The following AKAP13 variants were observed in gnomAD, a reference collection of about 807,000 sequenced individuals.
AKAP13 encodes the protein A-kinase anchor protein 13.
AKAP13 carries 80 observed loss-of-function variants against 264.5 expected under a neutral mutation model. The ratio of observed to expected loss-of-function variants is 0.30; its 90% CI spans 0.25 to 0.36. The LOEUF (loss-of-function observed/expected upper bound fraction) is 0.36, where lower values mean the gene tolerates loss of function less well. Among genes scored for constraint, AKAP13 ranks in the 10% least tolerant of loss-of-function variants. The pLI is 1.00. For synonymous variants in AKAP13, 1,380 were observed against 1,250.2 expected (o/e 1.10, Z -2.19); for missense variants, 3,712 against 3,435.2 (o/e 1.08, Z -2.01).
intron 1 of AKAP13, among the ~76,000 whole-genome samples, chr15:85,414,478 A>G (rs2072137886): frequency 6.6e-6 from 1 of 152,236 alleles, no homozygotes; most frequent in African/African-American, 2.4e-5. Flanking sequence ...GTTTCTATAC[A>G]TACACAAAAA....
At chr15:85,520,899 G>A (rs11639291) in intron 2 of AKAP13, among the ~76,000 whole-genome samples, 36,384 of 152,182 alleles carry the variant, frequency 0.24, 5,748 homozygotes, top group Middle Eastern at 0.41. Context: ...GCCCAAGCTC[G>A]TCTTCTTTGC....
At chr15:85,421,090 A>G (rs1273838449) in intron 1 of AKAP13, among the ~76,000 whole-genome samples, 1 of 152,232 alleles carries the variant, frequency 6.6e-6, no homozygotes, top group Non-Finnish European at 1.5e-5. Flanking sequence ...ATTTTGTTTC[A>G]TGCCTAGTTT....
At chr15:85,736,207 CT>C (rs878904305) in intron 33 of AKAP13, 73 bp downstream of exon 33, 71,171 of 956,896 alleles carry the variant, frequency 0.074, no homozygotes, top group South Asian at 0.1. Context: ...TTGTTTTTTC[CT>C]TTTTTTTTTT....
chr15:85,592,907 ATT>A (rs1456461954), intron 8 of AKAP13, among the ~76,000 whole-genome samples: 1 of 152,214 alleles, frequency 6.6e-6, no homozygotes, highest in African/African-American at 2.4e-5. Flanking sequence ...CTAGTTGTAC[ATT>A]TTTAAGTGAC....
rs1567038651 is a variant in AKAP13, at chr15:85,399,522, ATAAAAAAAT to A, written c.-12+18725_-12+18733del. Among the ~76,000 whole-genome samples, 1,099 of 121,202 alleles carry A rather than the reference ATAAAAAAAT, an allele frequency of 9.1e-3. 59 individuals carry two copies. Among genetic ancestry groups the A allele is most frequent in the Non-Finnish European group, 0.015 (863 of 56,280 alleles). The allele number at this position is 121,202 out of a possible 152,430, so 79.5% of individuals were successfully genotyped here. ...CGTCTCAAAAAAAAAAAAAAAAAAA[ATAAAAAAAT>A]AAAAAAATAAATAAATAAATAAATA... On this transcript the variant is annotated intron_variant, in intron 1 of 36. Transcript: ENST00000394518.
chr15:85,510,378 C>T (rs771257212), intron 2 of AKAP13, among the ~76,000 whole-genome samples: 27 of 152,020 alleles, frequency 1.8e-4, no homozygotes, highest in Non-Finnish European at 3.7e-4. Flanking sequence ...ATTAATATAG[C>T]ATTTGTTATA....
intron 1 of AKAP13, among the ~76,000 whole-genome samples, chr15:85,431,184 C>G (rs943787184): frequency 6.6e-6 from 1 of 152,180 alleles, no homozygotes; most frequent in African/African-American, 2.4e-5. Flanking sequence ...CATGCTCACT[C>G]TAGGGCAAGC....
intron 30 of AKAP13, among the ~76,000 whole-genome samples, chr15:85,732,085 A>C (rs2151754854): frequency 6.6e-6 from 1 of 152,050 alleles, no homozygotes; most frequent in South Asian, 2.1e-4. Context: ...TATCTCAAAA[A>C]AAAAAAAAAA....
At chr15:85,564,745 T>G (rs923504753) in intron 5 of AKAP13, among the ~76,000 whole-genome samples, 1 of 152,174 alleles carries the variant, frequency 6.6e-6, no homozygotes, top group East Asian at 1.9e-4. Flanking sequence ...TTAAACGTTG[T>G]GAGTAAAAGA....
intron 16 of AKAP13, among the ~76,000 whole-genome samples, chr15:85,692,802 A>T (rs1470860533): frequency 6.6e-6 from 1 of 152,228 alleles, no homozygotes; most frequent in African/African-American, 2.4e-5. Context: ...TGAGAAAGAG[A>T]GGAGCCTCGG....
chr15:85,732,186 T>C (rs777141923), intron 30 of AKAP13, among the ~76,000 whole-genome samples: 1 of 152,168 alleles, frequency 6.6e-6, no homozygotes, highest in Non-Finnish European at 1.5e-5. Flanking sequence ...CTTTGGCTTC[T>C]AGTCCTGTGG....
intron 1 of AKAP13, among the ~76,000 whole-genome samples, chr15:85,450,066 A>G (rs370519868): frequency 1.7e-4 from 26 of 151,828 alleles, no homozygotes; most frequent in African/African-American, 5.8e-4. Context: ...TTTGGTTGGT[A>G]TGCTTTTATT....
At chr15:85,597,547 G>T (rs1048415957) in intron 8 of AKAP13, among the ~76,000 whole-genome samples, 2 of 152,206 alleles carry the variant, frequency 1.3e-5, no homozygotes, top group Non-Finnish European at 2.9e-5. Flanking sequence ...GAAGGATACA[G>T]CTGAATGTGT....
At chr15:85,571,664 A>G (rs1352112361) in intron 5 of AKAP13, among the ~76,000 whole-genome samples, 1 of 152,142 alleles carries the variant, frequency 6.6e-6, no homozygotes, top group Non-Finnish European at 1.5e-5. Flanking sequence ...TGTTTTACTT[A>G]TTTATCTTGA....
chr15:85,543,862 G>A lies in AKAP13; in HGVS notation c.569G>A (p.Arg190His), dbSNP rs767963974. 7 of 1,613,998 alleles carry A rather than the reference G, an allele frequency of 4.3e-6. No homozygotes were observed. Among genetic ancestry groups the A allele is most frequent in the African/African-American group, 1.3e-5 (1 of 74,928 alleles). Reference sequence around the variant, plus strand: ...TTCCTGTTGCAGAAGCCAGGTGGCCGCGGAGCTCTCAGTATCCACAACCAG... The same window carrying A: ...TTCCTGTTGCAGAAGCCAGGTGGCCACGGAGCTCTCAGTATCCACAACCAG... ...TWFLLQKPGG[R>H]GALSIHNQEG... Residue 190 changes from arginine to histidine, a missense_variant, in exon 5 of 37, where the codon CGC becomes CAC. Arg to His is a conservative substitution (Grantham distance 29). This residue lies in a region of AKAP13 where 2,759 missense variants were observed against 2,411.7 expected (regional missense o/e 1.14). Transcript: ENST00000394518.
At chr15:85,635,501 T>A (rs572140883) in intron 8 of AKAP13, among the ~76,000 whole-genome samples, 4 of 152,272 alleles carry the variant, frequency 2.6e-5, no homozygotes, top group South Asian at 4.1e-4. Context: ...ATATTTTCCT[T>A]CAGTTTTTAG....
rs1597222309 is a variant in AKAP13 at position 85,735,938 on chromosome 15, A to G, written c.7513-152A>G. On this transcript the variant is annotated intron_variant, in intron 32 of 36. Transcript: ENST00000394518. ...CGACCTGACCTCCTTACAAGGTATC[A>G]GTGATAAATAGTTCAACCTCTTAAA... 7 of 723,228 alleles carry G rather than the reference A, an allele frequency of 9.7e-6. No individual in the cohort carries two copies. In the East Asian group the frequency reaches 1.9e-4, roughly 19 times the overall value. 44.8% of individuals were successfully genotyped at this position (723,228 alleles called of 1,614,324 possible).
At position 85,580,077 on chromosome 15, in the gene AKAP13, A is replaced by C; in HGVS notation, c.2009A>C (p.Asn670Thr). 6.2e-7 allele frequency: 1 copy of C among 1,614,196 alleles called. No homozygotes were observed. Among genetic ancestry groups the C allele is most frequent in the Non-Finnish European group, 8.5e-7 (1 of 1,180,034 alleles). ...TGTGCAGACTCTGCATGTCAACAGA[A>C]CACAGTGACTTCTAGTGGCGATTTG... The part of the protein sequence containing the change: ...KLCADSACQQ[N>T]TVTSSGDLVA... The change falls in exon 7 of 37, where the codon AAC becomes ACC. Residue 670 changes from asparagine (N) to threonine (T), a missense_variant. Asn to Thr is a moderately conservative substitution (Grantham distance 65). Coordinates refer to ENST00000394518, the MANE Select transcript of AKAP13 (RefSeq NM_007200.5).
chr15:85,568,281 C>A (rs949262827), intron 5 of AKAP13, among the ~76,000 whole-genome samples: 1 of 150,992 alleles, frequency 6.6e-6, no homozygotes, highest in African/African-American at 2.4e-5. Context: ...GCATGAGTGA[C>A]CCTCTATCAA....
Sources: gnomAD v4.1 joint callset for allele counts (sites outside exome capture counted in the v4.1 genomes callset) on GRCh38, gnomAD v4.1.1 for gene constraint, gnomAD v4.1.1 regional missense constraint, MANE v1.5 for transcripts, NCBI Gene and HGNC (gene_info 2026-07-23, HGNC 2026-07-21) for gene names.